AFP: variants seen among roughly 807,000 people sequenced by gnomAD.
The protein encoded by AFP is alpha-fetoprotein.
A neutral mutation model predicts 78.9 loss-of-function variants in AFP; 64 were observed. That is an observed-to-expected ratio of 0.81 (90% CI 0.66 to 1.00). The LOEUF (loss-of-function observed/expected upper bound fraction) is 1.00, where lower values mean the gene tolerates loss of function less well. AFP is among the 50% of genes least tolerant of loss of function. AFP has a pLI of 0.00. For missense variants in AFP, 689 were observed against 703.8 expected, an observed-to-expected ratio of 0.98 and a Z score of 0.24; for synonymous variants, 254 against 243.8, an observed-to-expected ratio of 1.04 and a Z score of -0.39.
chr4:73,453,952 G>C, intron 13 of AFP, 55 bp downstream of exon 13: 1 of 1,601,618 alleles, frequency 6.2e-7, no homozygotes, highest in Non-Finnish European at 8.6e-7. Context: ...TTCTGTAGTG[G>C]ATAATGAAAG....
chr4:73,454,512 T>C (rs747985240), intron 13 of AFP, among the ~76,000 whole-genome samples: 8 of 152,186 alleles, frequency 5.3e-5, no homozygotes, highest in Non-Finnish European at 1.0e-4. Flanking sequence ...TGTTTCAATA[T>C]ATTTATACAT....
chr4:73,450,036 G>A lies in AFP; in HGVS notation c.1192G>A (p.Glu398Lys), dbSNP rs768806203. 5.1e-5 allele frequency: 82 copies of A among 1,608,890 alleles called. No individual in the cohort carries two copies. Among genetic ancestry groups the A allele is most frequent in the Non-Finnish European group, 7.0e-5 (82 of 1,175,890 alleles). Residue 398 changes from glutamate (E) to lysine (K), a missense_variant and splice_region_variant, in exon 10 of 15, where the codon GAA (glutamate) becomes AAA (lysine). Physicochemically the swap from Glu to Lys is moderately conservative, Grantham distance 56. Transcript: ENST00000395792. ...ENPLECQDKG[E>K]EELQKYIQES... ...ATATGTAATAATTCTTCATTTTCAG[G>A]AAGAAGAATTACAGAAATACATCCA...
At position 73,453,983 on chromosome 4, in the gene AFP, A is replaced by G. The variant is rs542824473; in HGVS notation, c.1785+86A>G. The G allele has an allele frequency of 1.7e-5, 26 of 1,495,656 alleles. 1 individual carries two copies. The South Asian group carries it at 2.9e-4, about 17-fold the overall frequency. The allele number at this position is 1,495,656 out of a possible 1,614,324, so 92.6% of individuals were successfully genotyped here. A position where few individuals can be genotyped will look rare whatever the true frequency, so the allele number is the denominator to read the frequency against. On this transcript the variant is annotated intron_variant, in intron 13 of 14. Transcript: ENST00000395792. ...GAAAGGAAGACCCTACAAATTTATA[A>G]CTTTAAAATATTTTCAGAGAGATTT... is the stretch of plus-strand genomic sequence containing the variant.
intron 3 of AFP, among the ~76,000 whole-genome samples, chr4:73,439,714 T>C (rs1366023036): frequency 1.3e-5 from 2 of 152,204 alleles, no homozygotes; most frequent in Admixed American, 1.3e-4. Context: ...CATCTGAGTT[T>C]GGTAAGGGTA....
intron 6 of AFP, among the ~76,000 whole-genome samples, chr4:73,444,109 A>G (rs985948921): frequency 2.0e-5 from 3 of 152,174 alleles, no homozygotes; most frequent in Admixed American, 2.0e-4. Context: ...GTTAAAGCAT[A>G]TTGTAGACAA....
At chr4:73,453,391 G>T in intron 12 of AFP, 1 of 262,358 alleles carries the variant, frequency 3.8e-6, no homozygotes, top group Non-Finnish European at 7.5e-6. Context: ...CCCAGATAAG[G>T]GGTGTGATAA....
intron 11 of AFP, among the ~76,000 whole-genome samples, chr4:73,451,613 CA>C (rs1054510214): frequency 9.2e-5 from 14 of 152,122 alleles, no homozygotes; most frequent in Admixed American, 7.9e-4. Context: ...TTCCGGAGGC[CA>C]CCAGCCAACA....
Position 73,442,431 on chromosome 4 carries a change from A to G in AFP, c.615+3A>G. 6.2e-7 allele frequency: 1 copy of G among 1,614,002 alleles called. No individual in the cohort carries two copies. Among genetic ancestry groups the G allele is most frequent in the Non-Finnish European group, 8.5e-7 (1 of 1,179,942 alleles). On this transcript the variant is annotated splice_donor_region_variant and intron_variant, in intron 5 of 14. Coordinates refer to ENST00000395792, the MANE Select transcript of AFP (RefSeq NM_001134.3). ...CAGTTGAATGCTTCCAAACAAAGGT[A>G]TCATATTTGCGTGGATATCTGAACC...
chr4:73,448,620 C>A (rs908540750), intron 8 of AFP, among the ~76,000 whole-genome samples: 1 of 152,108 alleles, frequency 6.6e-6, no homozygotes, highest in Non-Finnish European at 1.5e-5. Flanking sequence ...TCTGGGAATA[C>A]GGTTAGTAAA....
At chr4:73,451,441 G>A (rs1719987682) in intron 11 of AFP, among the ~76,000 whole-genome samples, 1 of 152,046 alleles carries the variant, frequency 6.6e-6, no homozygotes, top group African/African-American at 2.4e-5. Context: ...TTTCATAATG[G>A]GGAGTTATTT....
At position 73,450,754 on chromosome 4, in the gene AFP, G is replaced by C; in HGVS notation, c.1428+1G>C. 6.2e-7 allele frequency: 1 copy of C among 1,613,966 alleles called. No individual in the cohort carries two copies. The highest frequency in any genetic ancestry group is 1.1e-5 in the South Asian group (1 of 91,072). On this transcript the variant is annotated splice_donor_variant, in intron 11 of 14. Transcript: ENST00000395792. LOFTEE classifies it high-confidence loss of function. ...ACTATTGGCCTGTGGCGAGGGAGCG[G>C]TGAGTGTCTGCTTGGTTTGGTCCCA...
At position 73,440,012 on chromosome 4, in the gene AFP, T is replaced by G. The variant is rs149331065; in HGVS notation, c.271-590T>G. Among the ~76,000 whole-genome samples the G allele has an allele frequency of 9.0e-4, 137 of 152,248 alleles. 2 individuals are homozygous for G. In the East Asian group the frequency reaches 0.021, roughly 23 times the overall value. ...GCAATTCCAAAAGTTACATCTTTAA[T>G]GAGAATCATGAAAATATTATTTTGC... On this transcript the variant is annotated intron_variant, in intron 3 of 14. Coordinates refer to ENST00000395792, the MANE Select transcript of AFP (RefSeq NM_001134.3).
chr4:73,443,619 C>T (rs1484968954), intron 6 of AFP, among the ~76,000 whole-genome samples, 175 bp downstream of exon 6: 1 of 152,068 alleles, frequency 6.6e-6, no homozygotes, highest in African/African-American at 2.4e-5. Flanking sequence ...AGGAAGCTAA[C>T]GGATAAGTCA....
intron 8 of AFP, 82 bp from the exon 9 acceptor site, chr4:73,449,253 A>G (rs1418884701): frequency 1.6e-6 from 2 of 1,261,126 alleles, no homozygotes; most frequent in Non-Finnish European, 2.3e-6. Context: ...ATGCCATATT[A>G]TATAGGAATA....
intron 8 of AFP, 65 bp downstream of exon 8, chr4:73,447,741 T>G: frequency 7.4e-7 from 1 of 1,350,348 alleles, no homozygotes; most frequent in Non-Finnish European, 1.1e-6. Flanking sequence ...CAGATTTGCG[T>G]TGTTGAAATG....
chr4:73,446,873 G>A (rs1442087494), intron 7 of AFP, among the ~76,000 whole-genome samples: 3 of 152,134 alleles, frequency 2.0e-5, no homozygotes, highest in African/African-American at 7.2e-5. Context: ...ATGGAAAGAA[G>A]AATTGAACAA....
chr4:73,441,234 T>G (rs1382595294), intron 4 of AFP, among the ~76,000 whole-genome samples: 1 of 152,048 alleles, frequency 6.6e-6, no homozygotes, highest in Non-Finnish European at 1.5e-5. Flanking sequence ...TCAAGCATGG[T>G]CAAGATACAC....
At chr4:73,451,661 C>A (rs915971112) in intron 11 of AFP, among the ~76,000 whole-genome samples, 5 of 152,208 alleles carry the variant, frequency 3.3e-5, no homozygotes, top group Non-Finnish European at 7.3e-5. Context: ...AGTTGTATCA[C>A]AGTGGGAAAG....
At chr4:73,445,567 G>A (rs1161416625) in intron 7 of AFP, among the ~76,000 whole-genome samples, 1 of 152,148 alleles carries the variant, frequency 6.6e-6, no homozygotes, top group Non-Finnish European at 1.5e-5. Flanking sequence ...CAGTCTGATA[G>A]GAGAGATAAG....
Sources: allele counts gnomAD v4.1 joint callset (sites outside exome capture counted in the v4.1 genomes callset), GRCh38; gene constraint gnomAD v4.1.1; transcripts MANE v1.5; gene names NCBI Gene and HGNC (gene_info 2026-07-23, HGNC 2026-07-21).